The following MILR1 variants were observed in gnomAD, a reference collection of about 807,000 sequenced individuals.
The protein encoded by MILR1 is mast cell immunoglobulin like receptor 1, also known as allergin-1.
MILR1 carries 31 observed loss-of-function variants against 18.5 expected under a neutral mutation model. The observed-to-expected ratio is 1.68, with a 90% CI of 1.26 to 2.26. The LOEUF is 2.26. Among genes scored for constraint, MILR1 ranks in the 30% most tolerant of loss-of-function variants. The pLI is 0.00. For missense variants in MILR1, 257 were observed against 157.4 expected (o/e 1.63, Z -3.38); for synonymous variants, 85 against 56.2 (o/e 1.51, Z -2.30).
At chr17:64,474,072 GTTATTA>G in the MILR1 span, among the ~76,000 whole-genome samples, 70 of 152,054 alleles carry the variant, frequency 4.6e-4, no homozygotes, top group Non-Finnish European at 6.8e-4. Context: ...TTTTTCATTT[GTTATTA>G]TTATTATTAT....
chr17:64,449,478 T>C, intron 2 of MILR1, 123 bp downstream of exon 2: 1 of 411,070 alleles, frequency 2.4e-6, no homozygotes, highest in Non-Finnish European at 4.4e-6. Flanking sequence ...CAAAGAACAG[T>C]CTTTTCAATT....
chr17:64,452,082 G>GT (rs34558703), intron 2 of MILR1, among the ~76,000 whole-genome samples: 37,743 of 137,014 alleles, frequency 0.28, 5,195 homozygotes, highest in South Asian at 0.33. Context: ...TCCCAGCTAT[G>GT]TTTTTTTTTT....
At chr17:64,460,604 C>A (rs1217989289) in intron 4 of MILR1, among the ~76,000 whole-genome samples, 1 of 152,162 alleles carries the variant, frequency 6.6e-6, no homozygotes, top group Non-Finnish European at 1.5e-5. Context: ...CCTTGATCTC[C>A]GAAAGTGCTG....
chr17:64,453,705 C>T (rs2037227467), intron 3 of MILR1, among the ~76,000 whole-genome samples: 1 of 151,904 alleles, frequency 6.6e-6, no homozygotes, highest in Non-Finnish European at 1.5e-5. Context: ...TTTCCTACCC[C>T]AAGCCTGTTA....
chr17:64,453,511 A>C (rs2037220731), intron 3 of MILR1, among the ~76,000 whole-genome samples: 1 of 133,350 alleles, frequency 7.5e-6, no homozygotes, highest in African/African-American at 2.8e-5. Context: ...TTATTCTGTG[A>C]TTCCCATTGT....
the MILR1 span, among the ~76,000 whole-genome samples, chr17:64,482,028 CTTCT>C: frequency 2.6e-5 from 4 of 151,512 alleles, no homozygotes; most frequent in Non-Finnish European, 4.4e-5. Flanking sequence ...CTGTATTCAG[CTTCT>C]TTAACACACT....
chr17:64,489,320 G>C, the MILR1 span, among the ~76,000 whole-genome samples: 1 of 145,712 alleles, frequency 6.9e-6, no homozygotes, highest in Non-Finnish European at 1.5e-5. Flanking sequence ...GTATATTGCT[G>C]ACCAGTAAAT....
intron 3 of MILR1, 106 bp downstream of exon 3, chr17:64,452,972 T>C (rs1447281995): frequency 2.4e-6 from 1 of 422,904 alleles, no homozygotes; most frequent in East Asian, 3.4e-5. Flanking sequence ...ACCTGGAAAG[T>C]ATGTTACTGC....
chr17:64,463,821 T>A (rs898561277), intron 5 of MILR1, among the ~76,000 whole-genome samples: 2 of 138,934 alleles, frequency 1.4e-5, no homozygotes, highest in African/African-American at 5.6e-5. Context: ...TGGCTAATTT[T>A]TTTTTTTTTT....
At chr17:64,474,653 G>T in the MILR1 span, among the ~76,000 whole-genome samples, 1 of 152,028 alleles carries the variant, frequency 6.6e-6, no homozygotes, top group Admixed American at 6.6e-5. Flanking sequence ...GGGATTACAG[G>T]TATGAGCCAC....
chr17:64,497,220 T>C, the MILR1 span, among the ~76,000 whole-genome samples: 4 of 152,242 alleles, frequency 2.6e-5, no homozygotes, highest in African/African-American at 4.8e-5. Flanking sequence ...TCCCTTCAGA[T>C]TGACTTTTTT....
chr17:64,459,743 C>A (rs1168144767), intron 4 of MILR1, among the ~76,000 whole-genome samples: 1 of 152,160 alleles, frequency 6.6e-6, no homozygotes, highest in Non-Finnish European at 1.5e-5. Flanking sequence ...AGGTGAAGTG[C>A]CTAACACAGT....
chr17:64,460,261 G>A (rs2037403104), intron 4 of MILR1, among the ~76,000 whole-genome samples: 1 of 151,902 alleles, frequency 6.6e-6, no homozygotes, highest in Non-Finnish European at 1.5e-5. Flanking sequence ...CCTGACCTCA[G>A]GTGATCTACC....
chr17:64,459,925 G>A (rs1201828521), intron 4 of MILR1, among the ~76,000 whole-genome samples: 1 of 151,760 alleles, frequency 6.6e-6, no homozygotes, highest in Non-Finnish European at 1.5e-5. Context: ...TCTCTTCTTT[G>A]GGTGGCCCCT....
At chr17:64,492,780 T>C in the MILR1 span, 4 of 1,602,674 alleles carry the variant, frequency 2.5e-6, no homozygotes, top group Admixed American at 6.7e-5. Flanking sequence ...ATACTTTAGA[T>C]ATAAAACGTA....
At chr17:64,496,335 C>A in the MILR1 span, 2 of 998,772 alleles carry the variant, frequency 2.0e-6, no homozygotes, top group Non-Finnish European at 3.0e-6. Flanking sequence ...AGTTGCAATC[C>A]CCAAGATCCA....
At chr17:64,477,617 T>A in the MILR1 span, among the ~76,000 whole-genome samples, 2 of 152,148 alleles carry the variant, frequency 1.3e-5, no homozygotes, top group African/African-American at 2.4e-5. Flanking sequence ...AAACCCCAAT[T>A]TGCTTAATCC....
At chr17:64,483,045 AG>A in the MILR1 span, 1 of 949,386 alleles carries the variant, frequency 1.1e-6, no homozygotes, top group Non-Finnish European at 1.7e-6. Flanking sequence ...AAGGGGAAAA[AG>A]CATAGTTTGT....
At chr17:64,490,657 T>C in the MILR1 span, 4 of 697,480 alleles carry the variant, frequency 5.7e-6, no homozygotes, top group Non-Finnish European at 1.0e-5. Context: ...ATTGTAGTTA[T>C]GTAGGTGAGT....
Sources: gnomAD v4.1 joint callset for allele counts (sites outside exome capture counted in the v4.1 genomes callset) on GRCh38, gnomAD v4.1.1 for gene constraint, MANE v1.5 for transcripts, NCBI Gene and HGNC (gene_info 2026-07-23, HGNC 2026-07-21) for gene names.